EYS: variants seen among roughly 807,000 people sequenced by gnomAD.
EYS encodes protein eyes shut homolog.
In EYS, 250 loss-of-function variants were observed where a neutral mutation model predicts 282.1. That is an observed-to-expected ratio of 0.89 (90% confidence interval 0.80 to 0.98). EYS has a LOEUF of 0.98. Among genes scored for constraint, EYS ranks in the 50% least tolerant of loss-of-function variants. The pLI, the probability that EYS is intolerant of heterozygous loss-of-function variation, is 0.00. For synonymous variants in EYS, 1,355 were observed against 1,282.9 expected, an observed-to-expected ratio of 1.06 and a Z score of -1.20; for missense variants, 4,016 against 3,709.0, an observed-to-expected ratio of 1.08 and a Z score of -2.15.
At chr6:63,798,680 T>C (rs982658423) in intron 37 of EYS, among the ~76,000 whole-genome samples, 1 of 152,160 alleles carries the variant, frequency 6.6e-6, no homozygotes, top group African/African-American at 2.4e-5. Flanking sequence ...CAATTTTCTT[T>C]TTCTGTTCTG....
At chr6:65,150,527 C>T (rs1419838172) in intron 12 of EYS, among the ~76,000 whole-genome samples, 2 of 151,844 alleles carry the variant, frequency 1.3e-5, no homozygotes. Context: ...TATTTATTTT[C>T]TATTATGTCT....
chr6:64,923,291 C>G lies in EYS; in HGVS notation c.2382-10548G>C, dbSNP rs1489983121. ...AGCAAAAGGAAAAACCCCTGACAAA[C>G]CCATCAGATCCCATGAGACTTAATG... On this transcript the variant is annotated intron_variant, in intron 15 of 42. Coordinates refer to ENST00000503581, the MANE Select transcript of EYS (RefSeq NM_001142800.2). 2.6e-5 allele frequency among the ~76,000 whole-genome samples: 4 copies of G among 152,214 alleles called. No homozygotes were observed. The East Asian group carries it at 7.8e-4, about 30-fold the overall frequency.
chr6:64,365,374 G>C (rs115647602), intron 29 of EYS, among the ~76,000 whole-genome samples: 3,211 of 152,102 alleles, frequency 0.021, 110 homozygotes, highest in African/African-American at 0.073. Flanking sequence ...CTCTTAGAGA[G>C]GAGAGAGGGG....
intron 31 of EYS, among the ~76,000 whole-genome samples, chr6:64,119,144 C>T (rs970446062): frequency 3.3e-5 from 5 of 152,056 alleles, no homozygotes; most frequent in Non-Finnish European, 7.4e-5. Context: ...TTTCCATAAT[C>T]ATTTGATTCA....
At chr6:65,193,492 G>A (rs1765692021) in intron 12 of EYS, among the ~76,000 whole-genome samples, 1 of 151,834 alleles carries the variant, frequency 6.6e-6, no homozygotes, top group Non-Finnish European at 1.5e-5. Context: ...ATGGAATCAT[G>A]GAGTATAAGT....
intron 12 of EYS, among the ~76,000 whole-genome samples, chr6:65,198,149 C>G (rs72881778): frequency 0.016 from 2,365 of 151,810 alleles, 37 homozygotes; most frequent in South Asian, 0.021. Flanking sequence ...GACAGAAACA[C>G]ACACATTAGC....
intron 36 of EYS, among the ~76,000 whole-genome samples, chr6:63,860,529 CT>C (rs1423034692): frequency 6.6e-6 from 1 of 152,210 alleles, no homozygotes; most frequent in East Asian, 1.9e-4. Context: ...AATTGTGAGA[CT>C]TTTTGTATAG....
At chr6:65,293,688 T>C (rs1768587987) in intron 12 of EYS, among the ~76,000 whole-genome samples, 1 of 151,830 alleles carries the variant, frequency 6.6e-6, no homozygotes, top group South Asian at 2.1e-4. Flanking sequence ...ACCCCAGACA[T>C]GCTGGACGCT....
chr6:65,479,388 TTAA>T (rs1333497757), intron 5 of EYS, among the ~76,000 whole-genome samples: 1 of 152,194 alleles, frequency 6.6e-6, no homozygotes, highest in Non-Finnish European at 1.5e-5. Flanking sequence ...CAGAACAATC[TTAA>T]TAAAGACTAA....
intron 26 of EYS, among the ~76,000 whole-genome samples, chr6:64,562,851 A>T (rs1206228547): frequency 2.0e-5 from 3 of 151,952 alleles, no homozygotes; most frequent in Non-Finnish European, 4.4e-5. Context: ...TTTCTGCCAG[A>T]TACTTTTCTG....
chr6:64,926,561 C>T (rs1768523149), intron 15 of EYS, among the ~76,000 whole-genome samples: 1 of 152,168 alleles, frequency 6.6e-6, no homozygotes, highest in African/African-American at 2.4e-5. Context: ...GAGGCAATCA[C>T]TCTCTATCTC....
At chr6:64,104,912 C>G (rs996306755) in intron 31 of EYS, among the ~76,000 whole-genome samples, 1 of 151,822 alleles carries the variant, frequency 6.6e-6, no homozygotes, top group Admixed American at 6.6e-5. Context: ...CTGTACAAAT[C>G]GGCTACTATT....
At chr6:64,036,252 A>T (rs1379423905) in intron 33 of EYS, among the ~76,000 whole-genome samples, 4 of 152,148 alleles carry the variant, frequency 2.6e-5, no homozygotes, top group African/African-American at 9.6e-5. Flanking sequence ...AGATGATAGG[A>T]CTGTTAAGGG....
At chr6:64,568,235 G>A (rs1765620797) in intron 26 of EYS, among the ~76,000 whole-genome samples, 1 of 152,090 alleles carries the variant, frequency 6.6e-6, no homozygotes, top group Admixed American at 6.5e-5. Context: ...AAACTGATAA[G>A]AATGGAAAGC....
chr6:64,524,307 G>T (rs1777848958), intron 26 of EYS, among the ~76,000 whole-genome samples: 1 of 151,570 alleles, frequency 6.6e-6, no homozygotes, highest in Non-Finnish European at 1.5e-5. Context: ...TCCATTCAAA[G>T]TTAAAAACTT....
chr6:64,965,276 T>A (rs1464436490), intron 14 of EYS, among the ~76,000 whole-genome samples: 1 of 152,028 alleles, frequency 6.6e-6, no homozygotes, highest in African/African-American at 2.4e-5. Context: ...TGAATGCTTG[T>A]CTGAAAATTA....
At chr6:65,687,594 A>G (rs6455052) in intron 1 of EYS, among the ~76,000 whole-genome samples, 88,365 of 151,862 alleles carry the variant, frequency 0.58, 26,634 homozygotes, top group Non-Finnish European at 0.66. Context: ...CAATCAGGCA[A>G]GAGAAGGAAA....
At chr6:64,966,482 G>A (rs1770099460) in intron 14 of EYS, among the ~76,000 whole-genome samples, 1 of 152,160 alleles carries the variant, frequency 6.6e-6, no homozygotes, top group South Asian at 2.1e-4. Context: ...AGAGTATAAA[G>A]CCAAATATCT....
intron 35 of EYS, among the ~76,000 whole-genome samples, chr6:63,978,964 T>C (rs985643199): frequency 2.0e-5 from 3 of 151,916 alleles, no homozygotes; most frequent in Admixed American, 6.6e-5. Context: ...TCACATGGGG[T>C]ACTGAGAATA....
Sources: allele counts gnomAD v4.1 joint callset (sites outside exome capture counted in the v4.1 genomes callset), GRCh38; gene constraint gnomAD v4.1.1; transcripts MANE v1.5; gene names NCBI Gene and HGNC (gene_info 2026-07-23, HGNC 2026-07-21).